Variants in UPP2 observed in about 807,000 individuals in gnomAD.
The protein encoded by UPP2 is uridine phosphorylase 2.
Under a neutral mutation model 26.7 loss-of-function variants are expected in UPP2, and 23 were observed. That is an observed-to-expected ratio of 0.86 (90% CI 0.62 to 1.22). The LOEUF (loss-of-function observed/expected upper bound fraction) is 1.22. Ranked by LOEUF, UPP2 falls within the 50% of genes most tolerant of loss-of-function variation. UPP2 has a pLI of 0.00. For synonymous variants in UPP2, 127 were observed against 141.3 expected (o/e 0.90, Z 0.72); for missense variants, 387 against 396.7 (o/e 0.98, Z 0.21).
At chr2:158,104,648 A>C (rs557202980) in intron 1 of UPP2, among the ~76,000 whole-genome samples, 1 of 152,124 alleles carries the variant, frequency 6.6e-6, no homozygotes, top group Non-Finnish European at 1.5e-5. Context: ...AAGGCTAGGC[A>C]TGATGGCTCA....
At chr2:158,116,696 A>G (rs751922536) in intron 3 of UPP2, among the ~76,000 whole-genome samples, 9 of 152,248 alleles carry the variant, frequency 5.9e-5, no homozygotes, top group Non-Finnish European at 1.3e-4. Flanking sequence ...ACTAGAAGGA[A>G]TCTAATAGAT....
intron 3 of UPP2, among the ~76,000 whole-genome samples, chr2:158,078,185 G>A (rs1273609457): frequency 6.6e-6 from 1 of 152,148 alleles, no homozygotes; most frequent in African/African-American, 2.4e-5. Context: ...CTGTTGGTGA[G>A]AATGTAAAGT....
intron 3 of UPP2, among the ~76,000 whole-genome samples, chr2:158,082,717 A>G (rs1245055372): frequency 6.6e-6 from 1 of 152,248 alleles, no homozygotes; most frequent in African/African-American, 2.4e-5. Flanking sequence ...AGGGGATTTA[A>G]TTAAACTAAA....
At chr2:158,006,678 C>A (rs740552) in intron 2 of UPP2, among the ~76,000 whole-genome samples, 6,856 of 152,230 alleles carry the variant, frequency 0.045, 543 homozygotes, top group African/African-American at 0.16. Context: ...ACTTCCAAGA[C>A]TCACTTGTTT....
chr2:158,021,884 C>T (rs1405504216), intron 3 of UPP2, among the ~76,000 whole-genome samples: 2 of 152,140 alleles, frequency 1.3e-5, no homozygotes, highest in East Asian at 3.9e-4. Context: ...CTATTCTGAA[C>T]ATAATTGAAA....
intron 3 of UPP2, among the ~76,000 whole-genome samples, chr2:158,062,529 T>TG (rs11395471): frequency 0.68 from 102,545 of 151,914 alleles, 35,064 homozygotes; most frequent in Admixed American, 0.73. Flanking sequence ...TAAACCCTGC[T>TG]TTCCAGATTC....
At chr2:158,102,401 T>C (rs1683095841) in intron 1 of UPP2, among the ~76,000 whole-genome samples, 2 of 152,126 alleles carry the variant, frequency 1.3e-5, no homozygotes, top group Non-Finnish European at 2.9e-5. Flanking sequence ...CAACCTTCAG[T>C]AGTAAACAAA....
chr2:158,123,525 C>T (rs1434243529), intron 5 of UPP2, among the ~76,000 whole-genome samples: 3 of 152,190 alleles, frequency 2.0e-5, no homozygotes, highest in Admixed American at 1.3e-4. Context: ...CTGAGGTCCT[C>T]GGCCATGAAG....
intron 3 of UPP2, among the ~76,000 whole-genome samples, chr2:158,045,365 A>C (rs1684137822): frequency 6.6e-6 from 1 of 152,208 alleles, no homozygotes; most frequent in Non-Finnish European, 1.5e-5. Flanking sequence ...GCACGGTGGG[A>C]AAAAGGAGAG....
chr2:158,116,690 G>A (rs1167044815), intron 3 of UPP2, among the ~76,000 whole-genome samples: 1 of 152,208 alleles, frequency 6.6e-6, no homozygotes, highest in Non-Finnish European at 1.5e-5. Flanking sequence ...GTCTGAACTA[G>A]AAGGAATCTA....
chr2:158,043,907 A>G (rs367632940), intron 3 of UPP2, among the ~76,000 whole-genome samples: 1 of 152,216 alleles, frequency 6.6e-6, no homozygotes, highest in Non-Finnish European at 1.5e-5. Context: ...AAAGTTACTT[A>G]GTCACCAGGA....
intron 2 of UPP2, among the ~76,000 whole-genome samples, chr2:158,002,225 G>A (rs1217201524): frequency 6.6e-6 from 1 of 152,130 alleles, no homozygotes; most frequent in Admixed American, 6.5e-5. Flanking sequence ...TAAAAGTGAA[G>A]ACAAAGGGGA....
intron 3 of UPP2, among the ~76,000 whole-genome samples, chr2:158,067,712 A>G (rs926799735): frequency 5.9e-5 from 9 of 152,090 alleles, no homozygotes; most frequent in Non-Finnish European, 8.8e-5. Flanking sequence ...AAACTCACTT[A>G]TTTACCTATA....
At chr2:158,026,778 C>T (rs1055263281) in intron 3 of UPP2, among the ~76,000 whole-genome samples, 1 of 152,072 alleles carries the variant, frequency 6.6e-6, no homozygotes, top group African/African-American at 2.4e-5. Flanking sequence ...ATACCCAAAA[C>T]TGGGAAGAAA....
At chr2:158,105,056 G>C (rs1410313489) in intron 1 of UPP2, among the ~76,000 whole-genome samples, 1 of 134,228 alleles carries the variant, frequency 7.5e-6, no homozygotes, top group Non-Finnish European at 1.6e-5. Flanking sequence ...GGGCAGGCAT[G>C]TGGAGAGAAA....
intron 5 of UPP2, among the ~76,000 whole-genome samples, chr2:158,121,858 G>C (rs760699574): frequency 2.6e-5 from 4 of 151,996 alleles, no homozygotes; most frequent in Non-Finnish European, 5.9e-5. Flanking sequence ...ACACTAAAAT[G>C]CAATTAGTGA....
intron 3 of UPP2, among the ~76,000 whole-genome samples, chr2:158,075,073 A>G (rs1682609830): frequency 6.6e-6 from 1 of 152,094 alleles, no homozygotes; most frequent in Admixed American, 6.6e-5. Flanking sequence ...GCAAGAGAAA[A>G]TAACAATTAT....
intron 3 of UPP2, among the ~76,000 whole-genome samples, chr2:158,072,661 C>T (rs535715417): frequency 6.7e-6 from 1 of 150,166 alleles, no homozygotes; most frequent in Non-Finnish European, 1.5e-5. Context: ...GACAGACAGA[C>T]AGACAGACAG....
intron 3 of UPP2, among the ~76,000 whole-genome samples, chr2:158,086,772 AT>A (rs1203809073): frequency 3.3e-5 from 5 of 152,054 alleles, no homozygotes; most frequent in African/African-American, 1.2e-4. Flanking sequence ...GGAACAGGTT[AT>A]TTAATTTGCA....
Sources: allele counts gnomAD v4.1 joint callset (sites outside exome capture counted in the v4.1 genomes callset), GRCh38; gene constraint gnomAD v4.1.1; transcripts MANE v1.5; gene names NCBI Gene and HGNC (gene_info 2026-07-23, HGNC 2026-07-21).